USH2A: variants seen among roughly 807,000 people sequenced by gnomAD.
USH2A encodes usherin.
A neutral mutation model predicts 538.9 loss-of-function variants in USH2A; 443 were observed. That is an observed-to-expected ratio of 0.82 (90% CI 0.76 to 0.89). The LOEUF (loss-of-function observed/expected upper bound fraction) is 0.89, where lower values mean the gene tolerates loss of function less well. Ranked by LOEUF, USH2A falls within the 40% of genes least tolerant of loss-of-function variation. The pLI, the probability that USH2A is intolerant of heterozygous loss-of-function variation, is 0.00. For missense variants in USH2A, 6,633 were observed against 6,324.8 expected (o/e 1.05, Z -1.65); for synonymous variants, 2,413 against 2,273.5 (o/e 1.06, Z -1.75).
In USH2A at chr1:215,888,650, C is replaced by A. The variant is rs1301139848; in HGVS notation, c.7999G>T (p.Glu2667Ter). 1 of 1,614,150 alleles carries A rather than the reference C, an allele frequency of 6.2e-7. No homozygotes were observed. Among genetic ancestry groups the A allele is most frequent in the Non-Finnish European group, 8.5e-7 (1 of 1,180,006 alleles). ...AGAGTCACCAGGGTAGTAACTTCTT[C>A]CTTTCCTTTGACTCTTCTCTCAATT... is the stretch of plus-strand genomic sequence containing the variant. ...FTIERRVKGK[E>*]EVTTLVTLPR... The change falls in exon 41 of 72, where the codon GAA becomes TAA. Residue 2667 changes from glutamate (E) to a stop codon, truncating the protein, a stop_gained. Transcript: ENST00000307340. LOFTEE classifies it high-confidence loss of function.
chr1:216,309,441 T>C (rs1377935453), intron 9 of USH2A, among the ~76,000 whole-genome samples: 2 of 152,212 alleles, frequency 1.3e-5, no homozygotes. Flanking sequence ...CTCATAATTC[T>C]AATATGTTCA....
intron 21 of USH2A, among the ~76,000 whole-genome samples, chr1:216,138,116 A>G (rs1478076571): frequency 6.6e-6 from 1 of 152,202 alleles, no homozygotes; most frequent in Admixed American, 6.5e-5. Context: ...AGATTGTTAT[A>G]TATAAACCAT....
At chr1:216,239,963 T>G (rs2035902654) in intron 13 of USH2A, among the ~76,000 whole-genome samples, 1 of 135,688 alleles carries the variant, frequency 7.4e-6, no homozygotes, top group Non-Finnish European at 1.5e-5. Flanking sequence ...CAGTAAAACA[T>G]GGTAGATTGA....
intron 61 of USH2A, among the ~76,000 whole-genome samples, chr1:215,692,319 G>C (rs1301918075): frequency 1.3e-5 from 2 of 152,166 alleles, no homozygotes; most frequent in South Asian, 2.1e-4. Flanking sequence ...AGGAACAGGA[G>C]ATGGTAGCTG....
Position 216,175,241 on chromosome 1 carries a change from A to G in USH2A, c.4627+11T>C, listed in dbSNP as rs1458293291. 1 of 1,613,450 alleles carries G rather than the reference A, an allele frequency of 6.2e-7. No homozygotes were observed. The highest frequency in any genetic ancestry group is 8.5e-7 in the Non-Finnish European group (1 of 1,179,752). On this transcript the variant is annotated intron_variant, in intron 21 of 71. Transcript: ENST00000307340. ...GTGTCTCCTAAATAAAGCAATGTCA[A>G]ACACACTTACCAGTGAAGTCTGTAT...
chr1:216,317,030 TTG>T (rs2037522192), intron 9 of USH2A, among the ~76,000 whole-genome samples: 1 of 152,142 alleles, frequency 6.6e-6, no homozygotes, highest in Admixed American at 6.6e-5. Context: ...CTTCTATAGG[TTG>T]TCTGTTCACT....
rs1666452544 is a variant in USH2A at position 215,934,764 on chromosome 1, T to C, written c.7152A>G (p.Thr2384=). The part of the protein sequence containing the change: ...VGNNYTLLNV[T]KVMYSGEETN... ...TCTCTTCTCCGCTGTACATGACTTT[T>C]GTGACATTCAGAAGGGTGTAGTTAT... is the stretch of plus-strand genomic sequence containing the variant. The change falls in exon 38 of 72, where the codon ACA becomes ACG. Residue 2384 remains threonine (T), a synonymous_variant. Transcript: ENST00000307340. 1 of 1,612,628 alleles carries C rather than the reference T, an allele frequency of 6.2e-7. No individual in the cohort carries two copies. The highest frequency in any genetic ancestry group is 8.5e-7 in the Non-Finnish European group (1 of 1,179,000).
intron 3 of USH2A, among the ~76,000 whole-genome samples, chr1:216,376,093 A>G (rs2038814081): frequency 6.6e-6 from 1 of 152,184 alleles, no homozygotes; most frequent in African/African-American, 2.4e-5. Context: ...AAAAATTTAA[A>G]TTTCTGTGAG....
intron 27 of USH2A, among the ~76,000 whole-genome samples, chr1:216,076,804 C>A (rs776590935): frequency 1.3e-5 from 2 of 152,082 alleles, no homozygotes; most frequent in Admixed American, 6.6e-5. Context: ...ACCAAATAGG[C>A]AAAGATTGCC....
intron 21 of USH2A, among the ~76,000 whole-genome samples, chr1:216,153,342 A>G (rs1293864645): frequency 6.6e-6 from 1 of 152,114 alleles, no homozygotes; most frequent in African/African-American, 2.4e-5. Flanking sequence ...CTGGAGCCCA[A>G]AAGTTCTTGC....
intron 3 of USH2A, among the ~76,000 whole-genome samples, chr1:216,405,020 A>T (rs537208560): frequency 9.9e-5 from 15 of 151,836 alleles, no homozygotes; most frequent in Admixed American, 7.9e-4. Flanking sequence ...AACTACAGAC[A>T]CACAGCACCA....
At chr1:215,715,719 C>T (rs1659462551) in intron 61 of USH2A, among the ~76,000 whole-genome samples, 1 of 152,154 alleles carries the variant, frequency 6.6e-6, no homozygotes, top group Admixed American at 6.5e-5. Flanking sequence ...GACACACTAA[C>T]AGATTGTAAA....
chr1:215,997,542 T>C (rs1057339072), intron 34 of USH2A, among the ~76,000 whole-genome samples: 4 of 152,096 alleles, frequency 2.6e-5, no homozygotes, highest in Admixed American at 2.0e-4. Context: ...GGACTCCTAA[T>C]CTACTAGTAT....
chr1:216,291,250 A>C (rs964360427), intron 10 of USH2A, among the ~76,000 whole-genome samples: 1 of 152,012 alleles, frequency 6.6e-6, no homozygotes, highest in East Asian at 1.9e-4. Context: ...TGCCCATCTT[A>C]TGGTTTTTCA....
chr1:215,674,636 C>T lies in USH2A; in HGVS notation c.13275G>A (p.Thr4425=), dbSNP rs377063327. Residue 4425 remains threonine, a synonymous_variant, in exon 63 of 72, where the codon ACG becomes ACA. Coordinates refer to ENST00000307340, the MANE Select transcript of USH2A (RefSeq NM_206933.4). ...SQYNFSLVAC[T]NGGCTASVSK... is the part of the protein sequence containing the mutation. Reference sequence around the variant, plus strand: ...ACACACTAGCTGTGCAACCTCCATTCGTGCAGGCTACAAGGGAGAAGTTAT... The same window carrying T: ...ACACACTAGCTGTGCAACCTCCATTTGTGCAGGCTACAAGGGAGAAGTTAT... The T allele has an allele frequency of 5.6e-6, 9 of 1,614,132 alleles. No homozygotes were observed. The highest frequency in any genetic ancestry group is 2.2e-5 in the East Asian group (1 of 44,866).
intron 70 of USH2A, chr1:215,630,033 C>T (rs1571915756): frequency 4.0e-6 from 2 of 495,444 alleles, no homozygotes; most frequent in East Asian, 5.5e-5. Flanking sequence ...CCTCGGCCTC[C>T]CATTTCTTTT....
chr1:215,845,422 GCTGAACTTCCAC>G (rs1186760998), intron 45 of USH2A, among the ~76,000 whole-genome samples: 4 of 152,032 alleles, frequency 2.6e-5, no homozygotes, highest in Non-Finnish European at 5.9e-5. Context: ...TTTCTCAGTG[GCTGAACTTCCAC>G]CTACCATTTC....
chr1:216,048,511 C>A, intron 31 of USH2A, 23 bp downstream of exon 31: 1 of 1,603,780 alleles, frequency 6.2e-7, no homozygotes, highest in South Asian at 1.1e-5. Context: ...ATGTGGAAGT[C>A]AAGACCTTTG....
chr1:215,792,752 C>A (rs1350401322), intron 50 of USH2A, among the ~76,000 whole-genome samples: 1 of 152,218 alleles, frequency 6.6e-6, no homozygotes, highest in Admixed American at 6.5e-5. Context: ...TAACTTTCGA[C>A]CCCTACCTAA....
Sources: gnomAD v4.1 joint callset for allele counts (sites outside exome capture counted in the v4.1 genomes callset) on GRCh38, gnomAD v4.1.1 for gene constraint, MANE v1.5 for transcripts, NCBI Gene and HGNC (gene_info 2026-07-23, HGNC 2026-07-21) for gene names.